PCDHA3: variants seen among roughly 807,000 people sequenced by gnomAD.
PCDHA3 encodes protocadherin alpha 3, also known as protocadherin alpha-3.
A neutral mutation model predicts 62.2 loss-of-function variants in PCDHA3; 41 were observed. The ratio of observed to expected loss-of-function variants is 0.66; its 90% CI spans 0.51 to 0.86. The LOEUF is 0.86. Among genes scored for constraint, PCDHA3 ranks in the 40% least tolerant of loss-of-function variants. The probability of loss-of-function intolerance (pLI) is 0.00; values close to 1 mark genes in which losing one functional copy is unlikely to be tolerated. For missense variants in PCDHA3, 1,304 were observed against 1,241.2 expected, an observed-to-expected ratio of 1.05 and a Z score of -0.76; for synonymous variants, 640 against 555.4, an observed-to-expected ratio of 1.15 and a Z score of -2.14.
chr5:140,855,670 T>G (rs1581372681), intron 1 of PCDHA3, among the ~76,000 whole-genome samples: 2 of 149,924 alleles, frequency 1.3e-5, no homozygotes, highest in African/African-American at 4.9e-5. Context: ...ATCACTACTC[T>G]GAGAGTCTAC....
intron 1 of PCDHA3, among the ~76,000 whole-genome samples, chr5:140,839,392 GA>G (rs2150297449): frequency 1.4e-5 from 2 of 147,944 alleles, no homozygotes; most frequent in African/African-American, 4.9e-5. Context: ...TGATGATGAT[GA>G]TGATTATTAT....
At chr5:140,828,868 A>C (rs2150159901) in intron 1 of PCDHA3, 5 of 1,614,142 alleles carry the variant, frequency 3.1e-6, no homozygotes, top group Non-Finnish European at 1.7e-6. Flanking sequence ...ACAACGGAAC[A>C]ACAGTTATCA....
intron 1 of PCDHA3, chr5:140,867,086 T>G (rs2049743912): frequency 6.6e-6 from 1 of 152,178 alleles, no homozygotes; most frequent in African/African-American, 2.4e-5. Context: ...ACTGTATTGT[T>G]GGAAATTAAC....
intron 1 of PCDHA3, chr5:140,856,278 A>G (rs1428005980): frequency 4.4e-6 from 7 of 1,598,190 alleles, no homozygotes; most frequent in Non-Finnish European, 6.0e-6. Context: ...CTGGAGGTAA[A>G]TCTGCAGAAT....
rs200732213 is a variant in PCDHA3, at chr5:140,863,214, A to G, written c.2394+59623A>G. On this transcript the variant is annotated intron_variant, in intron 1 of 3. Transcript: ENST00000522353. ...TGGCGTCGCTGGCGGAGAGCAGCCA[A>G]GCGAGGAAGGTCCCATCGCGGGCTT... The G allele has an allele frequency of 2.6e-3, 2,761 of 1,068,920 alleles. 12 individuals carry two copies. The highest frequency in any genetic ancestry group is 9.8e-3 in the Middle Eastern group (44 of 4,506). The allele number at this position is 1,068,920 out of a possible 1,614,324, so 66.2% of individuals were successfully genotyped here. A position where few individuals can be genotyped will look rare whatever the true frequency, so the allele number is the denominator to read the frequency against.
intron 1 of PCDHA3, chr5:140,870,969 C>T: frequency 1.2e-6 from 2 of 1,613,644 alleles, no homozygotes; most frequent in Non-Finnish European, 1.7e-6. Context: ...TCCCGTTCCG[C>T]GTGGGGCTGT....
chr5:140,942,901 A>T (rs1361297196), intron 1 of PCDHA3, among the ~76,000 whole-genome samples: 1 of 152,094 alleles, frequency 6.6e-6, no homozygotes, highest in East Asian at 1.9e-4. Context: ...TATCTCTAAG[A>T]ATAAGCGTGA....
intron 1 of PCDHA3, among the ~76,000 whole-genome samples, chr5:140,881,790 G>T (rs2058832674): frequency 6.6e-6 from 1 of 152,164 alleles, no homozygotes; most frequent in Non-Finnish European, 1.5e-5. Context: ...CCGATCAATT[G>T]TCCCAAAACG....
intron 1 of PCDHA3, chr5:140,969,060 A>T (rs2096292130): frequency 6.2e-7 from 1 of 1,614,012 alleles, no homozygotes. Context: ...AACAATATTG[A>T]TGCCAGGATA....
chr5:140,870,509 C>T, intron 1 of PCDHA3: 2 of 1,614,230 alleles, frequency 1.2e-6, no homozygotes, highest in Non-Finnish European at 1.7e-6. Context: ...AACAACCCAC[C>T]AGGCTGCCAC....
At chr5:140,879,137 G>A (rs1313863348) in intron 1 of PCDHA3, among the ~76,000 whole-genome samples, 2 of 152,210 alleles carry the variant, frequency 1.3e-5, no homozygotes, top group Non-Finnish European at 2.9e-5. Context: ...GGGAGATTGT[G>A]AAGGCAGGAA....
intron 1 of PCDHA3, chr5:140,883,677 C>T (rs112867183): frequency 1.2e-6 from 2 of 1,613,726 alleles, no homozygotes. Flanking sequence ...AACAATCCGC[C>T]GGGCTGCCAC....
At chr5:140,898,899 C>A (rs1457821018) in intron 1 of PCDHA3, among the ~76,000 whole-genome samples, 2 of 152,072 alleles carry the variant, frequency 1.3e-5, no homozygotes, top group Non-Finnish European at 2.9e-5. Context: ...TTGAAGAGGT[C>A]CTTCACGTCC....
At chr5:140,876,838 G>C in intron 1 of PCDHA3, 1 of 1,614,140 alleles carries the variant, frequency 6.2e-7, no homozygotes, top group Non-Finnish European at 8.5e-7. Flanking sequence ...GCCTGCGTTC[G>C]CGCAGCCCGA....
intron 1 of PCDHA3, chr5:140,927,776 T>C (rs781966197): frequency 7.4e-6 from 12 of 1,614,140 alleles, no homozygotes; most frequent in South Asian, 1.1e-5. Flanking sequence ...GAGGTGCAAG[T>C]AGCTGCTTCA....
At position 141,010,262 on chromosome 5, in the gene PCDHA3, C is replaced by A; in HGVS notation, c.*325C>A. 4 of 1,551,728 alleles carry A rather than the reference C, an allele frequency of 2.6e-6. No homozygotes were observed. Among genetic ancestry groups the A allele is most frequent in the Non-Finnish European group, 3.5e-6 (4 of 1,146,994 alleles). On this transcript the variant is annotated 3_prime_UTR_variant, in exon 4 of 4. Transcript: ENST00000522353. ...GAGGTTGGACTCTCTGCCCTGTGCT[C>A]CGGGGATCCTGTCTTGATGACACTT...
intron 1 of PCDHA3, chr5:140,868,028 G>A (rs1380913243): frequency 2.0e-5 from 3 of 152,006 alleles, no homozygotes; most frequent in Non-Finnish European, 4.4e-5. Flanking sequence ...ACCAATGTTG[G>A]TGACTTGGAA....
In PCDHA3 at chr5:140,828,877, C is replaced by T. The variant is rs2150160055; in HGVS notation, c.2394+25286C>T. 121 of 1,614,072 alleles carry T rather than the reference C, an allele frequency of 7.5e-5. 1 individual carries two copies. In the South Asian group the frequency reaches 1.2e-3, roughly 15 times the overall value. On this transcript the variant is annotated intron_variant, in intron 1 of 3. Coordinates refer to ENST00000522353, the MANE Select transcript of PCDHA3 (RefSeq NM_018906.3). ...ATGCAGACAACGGAACAACAGTTAT[C>T]AGACTGAATGCTTCTGATCGGGATG...
rs149265547 is a variant in PCDHA3 at position 140,927,771 on chromosome 5, G to T, written c.2395-51178G>T. On this transcript the variant is annotated intron_variant, in intron 1 of 3. Coordinates refer to ENST00000522353, the MANE Select transcript of PCDHA3 (RefSeq NM_018906.3). Reference sequence around the variant, plus strand: ...ACGTGCACCCTAAAAGTGGGGAGGTGCAAGTAGCTGCTTCACTAGGTCCGC... The same window carrying T: ...ACGTGCACCCTAAAAGTGGGGAGGTTCAAGTAGCTGCTTCACTAGGTCCGC... The T allele has an allele frequency of 4.2e-4, 677 of 1,614,210 alleles. 4 individuals carry two copies. In the African/African-American group the frequency reaches 7.5e-3, roughly 18 times the overall value.
Sources: gnomAD v4.1 joint callset for allele counts (sites outside exome capture counted in the v4.1 genomes callset) on GRCh38, gnomAD v4.1.1 for gene constraint, MANE v1.5 for transcripts, NCBI Gene and HGNC (gene_info 2026-07-23, HGNC 2026-07-21) for gene names.